Variants in MAMDC2 observed in about 807,000 individuals in gnomAD.
The protein encoded by MAMDC2 is MAM domain-containing protein 2.
In MAMDC2, 57 loss-of-function variants were observed where a neutral mutation model predicts 89.8. The observed-to-expected ratio is 0.63, with a 90% CI of 0.51 to 0.79. The LOEUF is 0.79. Ranked by LOEUF, MAMDC2 falls within the 30% of genes least tolerant of loss-of-function variation. The pLI, the probability that MAMDC2 is intolerant of heterozygous loss-of-function variation, is 0.00. For synonymous variants in MAMDC2, 313 were observed against 293.4 expected (o/e 1.07, Z -0.68); for missense variants, 800 against 820.6 (o/e 0.97, Z 0.31).
At chr9:70,091,024 TTAAC>T (rs5898114) in intron 2 of MAMDC2, among the ~76,000 whole-genome samples, 16,133 of 152,172 alleles carry the variant, frequency 0.11, 921 homozygotes, top group East Asian at 0.2. Flanking sequence ...ATATAGTATG[TTAAC>T]TGTTTGTAGA....
In MAMDC2 at chr9:70,044,543, C is replaced by T. The variant is rs1488156704; in HGVS notation, c.35-41C>T. The T allele has an allele frequency of 6.0e-6, 9 of 1,499,672 alleles. No individual in the cohort carries two copies. The Admixed American group carries it at 1.8e-4, about 29-fold the overall frequency. The allele number at this position is 1,499,672 out of a possible 1,614,324, so 92.9% of individuals were successfully genotyped here. The stretch of plus-strand genomic sequence containing the variant: ...GGCTCCCCGAGTTGGTGCAAAGGCT[C>T]CTGGGTGGAGCTCGAACTGAAACTC... On this transcript the variant is annotated intron_variant, in intron 1 of 13. Transcript: ENST00000377182.
rs1262558424 is a variant in MAMDC2, at chr9:70,218,423, A to G, written c.1738A>G (p.Lys580Glu). ...LSRPLRGVSGKHCLTFFYHMY... is the reference protein window; with the variant it reads ...LSRPLRGVSGEHCLTFFYHMY... ...CAGGCCTCTGCGAGGAGTCTCTGGA[A>G]AACACTGCTTGACCTTTTTCTACCA... is the stretch of plus-strand genomic sequence containing the variant. Residue 580 changes from lysine to glutamate, a missense_variant, in exon 12 of 14, where the codon AAA becomes GAA. By Grantham distance (56) the Lys-to-Glu change is moderately conservative. Coordinates refer to ENST00000377182, the MANE Select transcript of MAMDC2 (RefSeq NM_153267.5). 5 of 1,614,244 alleles carry G rather than the reference A, an allele frequency of 3.1e-6. No individual in the cohort carries two copies. In the South Asian group the frequency reaches 5.5e-5, roughly 18 times the overall value.
chr9:70,150,321 A>G (rs1214596474), intron 9 of MAMDC2, among the ~76,000 whole-genome samples: 1 of 152,160 alleles, frequency 6.6e-6, no homozygotes, highest in Non-Finnish European at 1.5e-5. Flanking sequence ...GAAGCTTCAT[A>G]TTGGCTGTTG....
rs1178044289 is a variant in MAMDC2, at chr9:70,108,532, A to G, written c.420+50A>G. ...ATAAGGCCTATTATCTTTGCTTTAT[A>G]CTATTCTAAAATCTTATGAAAACTT... On this transcript the variant is annotated intron_variant, in intron 3 of 13. Transcript: ENST00000377182. 2.7e-6 allele frequency: 4 copies of G among 1,483,790 alleles called. No individual in the cohort carries two copies. The South Asian group carries it at 5.6e-5, about 21-fold the overall frequency. 91.9% of individuals were successfully genotyped at this position (1,483,790 alleles called of 1,614,324 possible). A position where few individuals can be genotyped will look rare whatever the true frequency, so the allele number is the denominator to read the frequency against.
At chr9:70,085,418 G>A (rs977192913) in intron 2 of MAMDC2, among the ~76,000 whole-genome samples, 3 of 152,028 alleles carry the variant, frequency 2.0e-5, no homozygotes, top group Non-Finnish European at 4.4e-5. Context: ...TTTTGTCAAA[G>A]TACCTCTTAC....
intron 8 of MAMDC2, among the ~76,000 whole-genome samples, chr9:70,141,524 G>A (rs964183689): frequency 2.0e-5 from 3 of 152,178 alleles, no homozygotes; most frequent in Non-Finnish European, 4.4e-5. Flanking sequence ...AGTGCTGTCA[G>A]GGAGGAAAAA....
At chr9:70,094,612 T>C (rs1461321947) in intron 2 of MAMDC2, among the ~76,000 whole-genome samples, 1 of 152,138 alleles carries the variant, frequency 6.6e-6, no homozygotes, top group African/African-American at 2.4e-5. Context: ...TAATAGGAGA[T>C]TTCCATAATA....
At chr9:70,159,382 A>C (rs1175215447) in intron 9 of MAMDC2, among the ~76,000 whole-genome samples, 1 of 152,192 alleles carries the variant, frequency 6.6e-6, no homozygotes, top group Non-Finnish European at 1.5e-5. Context: ...TAAGTGTGGC[A>C]TAGGTTAAAA....
At chr9:70,183,685 T>G (rs2032691541) in intron 11 of MAMDC2, among the ~76,000 whole-genome samples, 1 of 152,208 alleles carries the variant, frequency 6.6e-6, no homozygotes, top group South Asian at 2.1e-4. Flanking sequence ...TTTTTTTCTC[T>G]TTGCATTTGC....
intron 9 of MAMDC2, chr9:70,157,435 T>C (rs952422406): frequency 6.6e-6 from 1 of 152,232 alleles, no homozygotes; most frequent in Non-Finnish European, 1.5e-5. Flanking sequence ...TCCTTTTGCA[T>C]AGATATGCCT....
At chr9:70,084,223 A>C (rs972633352) in intron 2 of MAMDC2, among the ~76,000 whole-genome samples, 2 of 152,062 alleles carry the variant, frequency 1.3e-5, no homozygotes, top group East Asian at 1.9e-4. Flanking sequence ...ATCTGTTTGC[A>C]GGTCTGACTT....
In MAMDC2 at chr9:70,044,555, T is replaced by C. The variant is rs3015231; in HGVS notation, c.35-29T>C. ...TGGTGCAAAGGCTCCTGGGTGGAGCTCGAACTGAAACTCGCTTTGTGCCCG... is the reference window on the plus strand; with the variant it reads ...TGGTGCAAAGGCTCCTGGGTGGAGCCCGAACTGAAACTCGCTTTGTGCCCG... On this transcript the variant is annotated intron_variant, in intron 1 of 13. Coordinates refer to ENST00000377182, the MANE Select transcript of MAMDC2 (RefSeq NM_153267.5). 1.4e-3 allele frequency: 2,217 copies of C among 1,531,418 alleles called. 27 individuals carry two copies. The African/African-American group carries it at 0.027, about 19-fold the overall frequency. 94.9% of individuals were successfully genotyped at this position (1,531,418 alleles called of 1,614,324 possible). A position where few individuals can be genotyped will look rare whatever the true frequency, so the allele number is the denominator to read the frequency against.
chr9:70,108,228 G>A lies in MAMDC2; in HGVS notation c.166G>A (p.Asp56Asn), dbSNP rs746224060. ...LNEEGHYIYVDTSFGKQGEKA... is the reference protein window; with the variant it reads ...LNEEGHYIYVNTSFGKQGEKA... Reference sequence around the variant, plus strand: ...CTTTCCAGGCCATTACATTTATGTGGATACCTCCTTTGGCAAGCAGGGGGA... The same window carrying A: ...CTTTCCAGGCCATTACATTTATGTGAATACCTCCTTTGGCAAGCAGGGGGA... Residue 56 changes from aspartate to asparagine, a missense_variant, in exon 3 of 14, where the codon GAT becomes AAT. Asp to Asn is a conservative substitution (Grantham distance 23, BLOSUM62 1). Transcript: ENST00000377182. The A allele has an allele frequency of 6.2e-7, 1 of 1,604,632 alleles. No individual in the cohort carries two copies. Among genetic ancestry groups the A allele is most frequent in the Non-Finnish European group, 8.5e-7 (1 of 1,176,034 alleles).
Position 70,126,237 on chromosome 9 carries a change from C to A in MAMDC2, c.722C>A (p.Ala241Asp), listed in dbSNP as rs764152090. ...VAQLISPLTT[A>D]PMAGCLSFYY... ...CAGCTCATCTCCCCGTTGACCACGG[C>A]CCCCATGGCTGGCTGCCTGTCATTT... Residue 241 changes from alanine to aspartate, a missense_variant, in exon 6 of 14, where the codon GCC becomes GAC. Transcript: ENST00000377182. The A allele has an allele frequency of 6.2e-7, 1 of 1,614,162 alleles. No homozygotes were observed. The highest frequency in any genetic ancestry group is 1.1e-5 in the South Asian group (1 of 91,072).
chr9:70,058,449 G>A (rs1419946477), intron 2 of MAMDC2, among the ~76,000 whole-genome samples: 6 of 152,158 alleles, frequency 3.9e-5, no homozygotes, highest in Admixed American at 3.3e-4. Context: ...TATAAAAATA[G>A]ATAACCCATA....
chr9:70,216,828 A>AGTT (rs1260684423), intron 11 of MAMDC2, among the ~76,000 whole-genome samples: 2 of 152,200 alleles, frequency 1.3e-5, no homozygotes, highest in Admixed American at 1.3e-4. Flanking sequence ...ATTCATATAT[A>AGTT]GTTTTACTTC....
intron 11 of MAMDC2, among the ~76,000 whole-genome samples, chr9:70,193,736 G>A (rs2032927485): frequency 6.6e-6 from 1 of 152,102 alleles, no homozygotes; most frequent in South Asian, 2.1e-4. Context: ...TGACCACAGG[G>A]TATTTGTTTG....
chr9:70,207,837 G>A (rs901041365), intron 11 of MAMDC2, among the ~76,000 whole-genome samples: 1 of 152,184 alleles, frequency 6.6e-6, no homozygotes, highest in Non-Finnish European at 1.5e-5. Context: ...TCCAGTTACA[G>A]CTTTCCACAT....
chr9:70,206,357 T>A (rs1447390820), intron 11 of MAMDC2, among the ~76,000 whole-genome samples: 1 of 152,190 alleles, frequency 6.6e-6, no homozygotes, highest in African/African-American at 2.4e-5. Flanking sequence ...CAGGTATATG[T>A]GTACAGGAAC....
Sources: gnomAD v4.1 joint callset for allele counts (sites outside exome capture counted in the v4.1 genomes callset) on GRCh38, gnomAD v4.1.1 for gene constraint, MANE v1.5 for transcripts, NCBI Gene and HGNC (gene_info 2026-07-23, HGNC 2026-07-21) for gene names.